Variants in MOB3B observed in about 807,000 individuals in gnomAD.
The protein encoded by MOB3B is MOB kinase activator-like 2B.
A neutral mutation model predicts 18.7 loss-of-function variants in MOB3B; 7 were observed. The observed-to-expected ratio is 0.37, with a 90% confidence interval of 0.21 to 0.70. The LOEUF (loss-of-function observed/expected upper bound fraction) is 0.70. Among genes scored for constraint, MOB3B ranks in the 30% least tolerant of loss-of-function variants. MOB3B has a pLI of 0.52. For synonymous variants in MOB3B, 111 were observed against 99.9 expected (o/e 1.11, Z -0.66); for missense variants, 253 against 281.3 (o/e 0.90, Z 0.72).
At chr9:27,349,943 A>C (rs372371156) in intron 3 of MOB3B, among the ~76,000 whole-genome samples, 1 of 152,192 alleles carries the variant, frequency 6.6e-6, no homozygotes, top group South Asian at 2.1e-4. Context: ...TGGGTTATAA[A>C]AAGTAGCTCT....
At chr9:27,398,444 G>A (rs748648507) in intron 2 of MOB3B, among the ~76,000 whole-genome samples, 8 of 152,180 alleles carry the variant, frequency 5.3e-5, no homozygotes, top group Non-Finnish European at 1.2e-4. Flanking sequence ...ATTCCTACCT[G>A]TAAGGTTGTT....
Position 27,529,805 on chromosome 9 carries a change from G to C in MOB3B, c.-449C>G, listed in dbSNP as rs1182513250. 1.2e-5 allele frequency: 12 copies of C among 985,428 alleles called. No homozygotes were observed. The highest frequency in any genetic ancestry group is 1.4e-5 in the Non-Finnish European group (12 of 829,940). The allele number at this position is 985,428 out of a possible 1,614,324, so 61.0% of individuals were successfully genotyped here. The stretch of plus-strand genomic sequence containing the variant: ...ACCCAGCGCGCCGCGCAGCCGGCCG[G>C]GGCTCGACTGTCTCGCGGGGACGCC... On this transcript the variant is annotated 5_prime_UTR_variant, in exon 1 of 4. Coordinates refer to ENST00000262244, the MANE Select transcript of MOB3B (RefSeq NM_024761.5).
chr9:27,494,272 G>A (rs893364915), intron 1 of MOB3B, among the ~76,000 whole-genome samples: 4 of 152,060 alleles, frequency 2.6e-5, no homozygotes, highest in African/African-American at 4.8e-5. Context: ...CTATGATCTC[G>A]CCCTGCCTCC....
chr9:27,451,933 G>GCTTGTGGTCTTCCAAAAGACCA (rs1822790976), intron 2 of MOB3B, among the ~76,000 whole-genome samples: 1 of 152,198 alleles, frequency 6.6e-6, no homozygotes, highest in Non-Finnish European at 1.5e-5. Context: ...CACAACAGTA[G>GCTTGTGGTCTTCCAAAAGACCA]CAACTGAGGG....
Position 27,472,324 on chromosome 9 carries a change from A to C in MOB3B, c.-198-16576T>G, listed in dbSNP as rs189575072. Among the ~76,000 whole-genome samples, 245 of 152,060 alleles carry C rather than the reference A, an allele frequency of 1.6e-3. 2 individuals carry two copies. The highest frequency in any genetic ancestry group is 5.5e-3 in the African/African-American group (228 of 41,504). On this transcript the variant is annotated intron_variant, in intron 1 of 3. Transcript: ENST00000262244. ...TTAAAAGTCTCCAAAGGCCTCAGGAACTTTTGCCCAGAGAAGTGTACTCCT... is the reference window on the plus strand; with the variant it reads ...TTAAAAGTCTCCAAAGGCCTCAGGACCTTTTGCCCAGAGAAGTGTACTCCT...
At chr9:27,380,625 C>T (rs1211680928) in intron 2 of MOB3B, among the ~76,000 whole-genome samples, 1 of 152,124 alleles carries the variant, frequency 6.6e-6, no homozygotes, top group Non-Finnish European at 1.5e-5. Flanking sequence ...CTCTCATTAA[C>T]GATGACTCTG....
chr9:27,384,881 T>C (rs1821629178), intron 2 of MOB3B, among the ~76,000 whole-genome samples: 1 of 152,200 alleles, frequency 6.6e-6, no homozygotes, highest in Admixed American at 6.5e-5. Context: ...GGTGAGACGC[T>C]GAGCCTGGTC....
chr9:27,528,646 C>T (rs1820478308), intron 1 of MOB3B, among the ~76,000 whole-genome samples: 1 of 152,208 alleles, frequency 6.6e-6, no homozygotes, highest in Admixed American at 6.5e-5. Context: ...TCTCCCCAAG[C>T]CCCGCCAGAT....
At position 27,327,066 on chromosome 9, in the gene MOB3B, C is replaced by G. The variant is rs1373239160; in HGVS notation, c.*3521G>C. 1 of 152,434 alleles carries G rather than the reference C, an allele frequency of 6.6e-6. No homozygotes were observed. Among genetic ancestry groups the G allele is most frequent in the African/African-American group, 2.4e-5 (1 of 41,446 alleles). 9.4% of individuals were successfully genotyped at this position (152,434 alleles called of 1,614,324 possible). On this transcript the variant is annotated 3_prime_UTR_variant, in exon 4 of 4. Transcript: ENST00000262244. ...CAGGGAGCATACAAATCCTCACTTGCCCATGCTCTCACGTATTGCCTGCAC... is the reference window on the plus strand; with the variant it reads ...CAGGGAGCATACAAATCCTCACTTGGCCATGCTCTCACGTATTGCCTGCAC...
At chr9:27,491,802 G>C (rs994604517) in intron 1 of MOB3B, among the ~76,000 whole-genome samples, 1 of 152,188 alleles carries the variant, frequency 6.6e-6, no homozygotes, top group Non-Finnish European at 1.5e-5. Context: ...GAACCAGGAA[G>C]GCGGAGCTTG....
intron 2 of MOB3B, among the ~76,000 whole-genome samples, chr9:27,364,199 G>A (rs924450522): frequency 6.6e-6 from 1 of 152,200 alleles, no homozygotes; most frequent in Non-Finnish European, 1.5e-5. Context: ...TCCTGGACCT[G>A]GGGAGCTGTG....
chr9:27,388,143 A>C lies in MOB3B; in HGVS notation c.419-28907T>G, dbSNP rs183176017. Among the ~76,000 whole-genome samples, 166 of 152,350 alleles carry C rather than the reference A, an allele frequency of 1.1e-3. 2 individuals are homozygous for C. Among genetic ancestry groups the C allele is most frequent in the Non-Finnish European group, 4.3e-4 (29 of 68,032 alleles). ...AGTTTAAAAACCCAGTGTTAGGATA[A>C]ACCTTGGAAAAACCTTGTTTCCAAA... On this transcript the variant is annotated intron_variant, in intron 2 of 3. Coordinates refer to ENST00000262244, the MANE Select transcript of MOB3B (RefSeq NM_024761.5).
intron 1 of MOB3B, among the ~76,000 whole-genome samples, chr9:27,469,206 A>C (rs1209773514): frequency 6.6e-6 from 1 of 152,106 alleles, no homozygotes; most frequent in Non-Finnish European, 1.5e-5. Context: ...GGGCTCAAGC[A>C]GTCCTCCTGC....
chr9:27,396,642 C>T (rs1001955505), intron 2 of MOB3B, among the ~76,000 whole-genome samples: 13 of 152,122 alleles, frequency 8.5e-5, no homozygotes, highest in African/African-American at 3.1e-4. Context: ...TAAATTTAGT[C>T]TCCTTCCCCA....
At chr9:27,494,679 T>A (rs929348404) in intron 1 of MOB3B, among the ~76,000 whole-genome samples, 3 of 152,124 alleles carry the variant, frequency 2.0e-5, no homozygotes, top group Non-Finnish European at 4.4e-5. Context: ...CAAACCTGGC[T>A]AATTTTTGCA....
intron 2 of MOB3B, among the ~76,000 whole-genome samples, chr9:27,406,407 C>A (rs543718173): frequency 8.6e-4 from 131 of 152,212 alleles, no homozygotes; most frequent in African/African-American, 3.1e-3. Context: ...GTATACAGAA[C>A]CACAAAACCT....
intron 1 of MOB3B, among the ~76,000 whole-genome samples, chr9:27,510,658 G>T (rs1820129343): frequency 6.6e-6 from 1 of 152,122 alleles, no homozygotes; most frequent in South Asian, 2.1e-4. Context: ...TCTTTCTTTT[G>T]TGGAGCTTTT....
At chr9:27,381,965 G>C (rs900468352) in intron 2 of MOB3B, among the ~76,000 whole-genome samples, 9 of 152,090 alleles carry the variant, frequency 5.9e-5, no homozygotes, top group Admixed American at 6.5e-5. Flanking sequence ...AATTGATGAG[G>C]GGTGGACATT....
At chr9:27,388,197 G>A (rs143679629) in intron 2 of MOB3B, among the ~76,000 whole-genome samples, 10 of 152,288 alleles carry the variant, frequency 6.6e-5, no homozygotes, top group East Asian at 1.9e-4. Context: ...TGCACATACC[G>A]TTAACTTCCA....
Sources: allele counts gnomAD v4.1 joint callset (sites outside exome capture counted in the v4.1 genomes callset), GRCh38; gene constraint gnomAD v4.1.1; transcripts MANE v1.5; gene names NCBI Gene and HGNC (gene_info 2026-07-23, HGNC 2026-07-21).